PCSK2: variants seen among roughly 807,000 people sequenced by gnomAD.
PCSK2 encodes the protein neuroendocrine convertase 2.
PCSK2 carries 14 observed loss-of-function variants against 69.7 expected under a neutral mutation model. That is an observed-to-expected ratio of 0.20 (90% CI 0.13 to 0.31). PCSK2 has a LOEUF of 0.31. Among genes scored for constraint, PCSK2 ranks in the 10% least tolerant of loss-of-function variants. PCSK2 has a pLI of 1.00. For missense variants in PCSK2, 544 were observed against 842.5 expected (o/e 0.65, Z 4.39); for synonymous variants, 307 against 320.7 (o/e 0.96, Z 0.46).
At chr20:17,298,824 C>T (rs1430889662) in intron 2 of PCSK2, among the ~76,000 whole-genome samples, 1 of 152,290 alleles carries the variant, frequency 6.6e-6, no homozygotes, top group South Asian at 2.1e-4. Context: ...ATTAGTCAGT[C>T]ATTCCCCAGC....
At chr20:17,366,072 C>A (rs985517522) in intron 4 of PCSK2, among the ~76,000 whole-genome samples, 1 of 152,202 alleles carries the variant, frequency 6.6e-6, no homozygotes, top group African/African-American at 2.4e-5. Context: ...AGCCCCACCC[C>A]ATGGCAGTTC....
intron 2 of PCSK2, among the ~76,000 whole-genome samples, chr20:17,310,007 G>A (rs889222366): frequency 9.2e-5 from 14 of 152,102 alleles, no homozygotes; most frequent in Admixed American, 2.6e-4. Flanking sequence ...TGCTTCCGGG[G>A]AGGCCTCTGG....
chr20:17,377,420 T>G (rs2030959010), intron 5 of PCSK2, among the ~76,000 whole-genome samples: 1 of 152,210 alleles, frequency 6.6e-6, no homozygotes. Flanking sequence ...TACCTTGAGC[T>G]TGACAGAAGT....
chr20:17,243,193 T>C (rs940373348), intron 1 of PCSK2, among the ~76,000 whole-genome samples: 12 of 152,142 alleles, frequency 7.9e-5, no homozygotes, highest in African/African-American at 2.9e-4. Context: ...AGTTGCTTCT[T>C]GTTTGGGTAA....
chr20:17,454,201 T>C (rs1186392895), intron 9 of PCSK2, among the ~76,000 whole-genome samples: 1 of 152,242 alleles, frequency 6.6e-6, no homozygotes, highest in East Asian at 1.9e-4. Flanking sequence ...CCATAGATTT[T>C]CTTGTTTATT....
At chr20:17,440,983 C>T (rs959067702) in intron 8 of PCSK2, among the ~76,000 whole-genome samples, 32 of 152,130 alleles carry the variant, frequency 2.1e-4, no homozygotes, top group African/African-American at 7.5e-4. Flanking sequence ...GATGCCAGCC[C>T]CAAGAATGTG....
chr20:17,373,520 C>T (rs1196984028), intron 5 of PCSK2, among the ~76,000 whole-genome samples: 1 of 152,162 alleles, frequency 6.6e-6, no homozygotes, highest in Non-Finnish European at 1.5e-5. Context: ...GATGTAGCAA[C>T]GTCTGCCCCA....
At chr20:17,434,348 T>A (rs2032440815) in intron 7 of PCSK2, among the ~76,000 whole-genome samples, 1 of 142,672 alleles carries the variant, frequency 7.0e-6, no homozygotes. Flanking sequence ...TAAAAACCCT[T>A]GGGTCACGCT....
intron 4 of PCSK2, among the ~76,000 whole-genome samples, chr20:17,364,921 CA>C (rs1325294099): frequency 6.6e-6 from 1 of 152,080 alleles, no homozygotes; most frequent in Non-Finnish European, 1.5e-5. Flanking sequence ...CTGGGACCGT[CA>C]AAAAGAGTGC....
chr20:17,275,771 C>T (rs1988047920), intron 2 of PCSK2, among the ~76,000 whole-genome samples: 1 of 152,098 alleles, frequency 6.6e-6, no homozygotes, highest in Non-Finnish European at 1.5e-5. Flanking sequence ...AGGGTGAATT[C>T]AGAACTCTTG....
At chr20:17,350,608 G>A (rs1819592899) in intron 2 of PCSK2, among the ~76,000 whole-genome samples, 1 of 152,138 alleles carries the variant, frequency 6.6e-6, no homozygotes, top group African/African-American at 2.4e-5. Flanking sequence ...GTGCCCATAG[G>A]GAGAGGCAAT....
At chr20:17,298,743 C>T (rs1008786998) in intron 2 of PCSK2, among the ~76,000 whole-genome samples, 2 of 151,948 alleles carry the variant, frequency 1.3e-5, no homozygotes, top group African/African-American at 4.8e-5. Context: ...AATTATACTT[C>T]CCTAAGCTGC....
chr20:17,279,558 C>T (rs1455535334), intron 2 of PCSK2, among the ~76,000 whole-genome samples: 1 of 151,754 alleles, frequency 6.6e-6, no homozygotes, highest in Non-Finnish European at 1.5e-5. Context: ...GTAATCCCAG[C>T]ACTTTGGGAG....
chr20:17,442,559 T>G (rs1488034414), intron 8 of PCSK2, among the ~76,000 whole-genome samples: 1 of 152,164 alleles, frequency 6.6e-6, no homozygotes, highest in Non-Finnish European at 1.5e-5. Flanking sequence ...CAATTACGAC[T>G]TTTTTCTTCT....
At chr20:17,380,403 G>A (rs530340224) in intron 5 of PCSK2, among the ~76,000 whole-genome samples, 2 of 152,262 alleles carry the variant, frequency 1.3e-5, no homozygotes, top group African/African-American at 4.8e-5. Flanking sequence ...GCTGCAATGA[G>A]AGGCTCAGAG....
intron 2 of PCSK2, among the ~76,000 whole-genome samples, chr20:17,277,594 T>A (rs75927935): frequency 0.19 from 27,307 of 145,176 alleles, 2,727 homozygotes; most frequent in Middle Eastern, 0.27. Flanking sequence ...ACTTAAATGT[T>A]AGACCTAAAA....
intron 2 of PCSK2, among the ~76,000 whole-genome samples, chr20:17,314,997 T>G (rs1989633479): frequency 6.6e-6 from 1 of 152,218 alleles, no homozygotes. Flanking sequence ...GGATATTAAA[T>G]GCTGAAAAAG....
chr20:17,330,359 C>T (rs560247091), intron 2 of PCSK2, among the ~76,000 whole-genome samples: 5 of 151,996 alleles, frequency 3.3e-5, no homozygotes, highest in African/African-American at 1.2e-4. Context: ...TTTGGGAGGC[C>T]GAGGCGGGAG....
At chr20:17,348,724 G>A (rs1392886876) in intron 2 of PCSK2, among the ~76,000 whole-genome samples, 1 of 152,204 alleles carries the variant, frequency 6.6e-6, no homozygotes, top group Non-Finnish European at 1.5e-5. Context: ...GTAGATGGCC[G>A]TCTTTTCCCT....
Sources: gnomAD v4.1 joint callset for allele counts (sites outside exome capture counted in the v4.1 genomes callset) on GRCh38, gnomAD v4.1.1 for gene constraint, MANE v1.5 for transcripts, NCBI Gene and HGNC (gene_info 2026-07-23, HGNC 2026-07-21) for gene names.